The following HSPG2 variants were observed in gnomAD, a reference collection of about 807,000 sequenced individuals.
The protein encoded by HSPG2 is heparan sulfate proteoglycan 2.
In HSPG2, 278 loss-of-function variants were observed where a neutral mutation model predicts 526.6. The observed-to-expected ratio is 0.53, with a 90% CI of 0.48 to 0.58. HSPG2 has a LOEUF of 0.58. Among genes scored for constraint, HSPG2 ranks in the 20% least tolerant of loss-of-function variants. HSPG2 has a pLI of 0.00. For synonymous variants in HSPG2, 2,465 were observed against 2,555.4 expected, an observed-to-expected ratio of 0.96 and a Z score of 1.07; for missense variants, 5,354 against 6,099.5, an observed-to-expected ratio of 0.88 and a Z score of 4.07.
rs1258928129 is a variant in HSPG2, at chr1:21,859,370, G to A, written c.5293+196C>T. ...CCCACCCTTTTCTTTTGCCCTCACC[G>A]ACCAGTCAAGTCCTGCTGATCCTAC... On this transcript the variant is annotated intron_variant, in intron 42 of 96. Coordinates refer to ENST00000374695, the MANE Select transcript of HSPG2 (RefSeq NM_005529.7). The surrounding 1 kb of genome is among the most constrained non-coding windows in gnomAD (Gnocchi z 5.3). Among the ~76,000 whole-genome samples, 3 of 152,106 alleles carry A rather than the reference G, an allele frequency of 2.0e-5. No individual in the cohort carries two copies. The highest frequency in any genetic ancestry group is 4.4e-5 in the Non-Finnish European group (3 of 67,980).
chr1:21,849,508 T>A (rs889836408), intron 57 of HSPG2, among the ~76,000 whole-genome samples: 9 of 152,102 alleles, frequency 5.9e-5, no homozygotes, highest in Non-Finnish European at 1.0e-4. Context: ...GTCTCCAAAA[T>A]CAAGATGCAT....
At position 21,856,038 on chromosome 1, in the gene HSPG2, C is replaced by A. The variant is rs1639316317; in HGVS notation, c.5576-126G>T. 6.9e-6 allele frequency: 9 copies of A among 1,305,902 alleles called. No homozygotes were observed. In the South Asian group the frequency reaches 1.2e-4, roughly 18 times the overall value. The allele number at this position is 1,305,902 out of a possible 1,614,324, so 80.9% of individuals were successfully genotyped here. A position where few individuals can be genotyped will look rare whatever the true frequency, so the allele number is the denominator to read the frequency against. On this transcript the variant is annotated intron_variant, in intron 44 of 96. Coordinates refer to ENST00000374695, the MANE Select transcript of HSPG2 (RefSeq NM_005529.7). ...CCACGGCCATCTGTGCACACAGGAG[C>A]CAGAGGGAGCTTGGGAAATGTCAAC...
At chr1:21,878,767 G>C in intron 18 of HSPG2, 104 bp from the exon 19 acceptor site, 1 of 1,265,002 alleles carries the variant, frequency 7.9e-7, no homozygotes, top group Non-Finnish European at 1.1e-6. Context: ...TGTGCCACGA[G>C]GCATGACGCC....
At chr1:21,869,238 C>A (rs908972278) in intron 33 of HSPG2, among the ~76,000 whole-genome samples, 2 of 152,200 alleles carry the variant, frequency 1.3e-5, no homozygotes, top group African/African-American at 4.8e-5. Context: ...CTTTTGTGGA[C>A]CAACGTTTAC....
At chr1:21,931,312 C>T (rs1031133438) in intron 1 of HSPG2, among the ~76,000 whole-genome samples, 1 of 152,254 alleles carries the variant, frequency 6.6e-6, no homozygotes, top group African/African-American at 2.4e-5. Flanking sequence ...ACACATACTT[C>T]TGGGTTTCAG....
At position 21,826,622 on chromosome 1, in the gene HSPG2, G is replaced by A. The variant is rs186858868; in HGVS notation, c.12589+1241C>T. On this transcript the variant is annotated intron_variant, in intron 91 of 96. Transcript: ENST00000374695. Reference sequence around the variant, plus strand: ...CCTCCCAGGTTCAAGCGATTCTCCTGCCTCAGCCTCCGGAGTAGCTGGGAT... The same window carrying A: ...CCTCCCAGGTTCAAGCGATTCTCCTACCTCAGCCTCCGGAGTAGCTGGGAT... Among the ~76,000 whole-genome samples the A allele has an allele frequency of 3.8e-4, 58 of 152,006 alleles. 1 individual carries two copies. The highest frequency in any genetic ancestry group is 3.7e-3 in the Admixed American group (56 of 15,274).
chr1:21,844,030 C>T, intron 65 of HSPG2, 118 bp downstream of exon 65: 1 of 1,373,746 alleles, frequency 7.3e-7, no homozygotes, highest in South Asian at 1.2e-5. Flanking sequence ...TTCCATTGAC[C>T]TCCTGCTGCC....
rs541881507 is a variant in HSPG2 at position 21,871,265 on chromosome 1, T to G, written c.4221+921A>C. ...CTGACTGGCAGAGTATTTGTTTTTT[T>G]TTTTTTTTTTTTGAGACAGGGTCTT... On this transcript the variant is annotated intron_variant, in intron 33 of 96. Transcript: ENST00000374695. Among the ~76,000 whole-genome samples, 10 of 147,620 alleles carry G rather than the reference T, an allele frequency of 6.8e-5. No homozygotes were observed. In the South Asian group the frequency reaches 2.2e-3, roughly 32 times the overall value.
intron 1 of HSPG2, among the ~76,000 whole-genome samples, chr1:21,919,672 T>G (rs1459113633): frequency 6.8e-6 from 1 of 148,108 alleles, no homozygotes; most frequent in Admixed American, 6.6e-5. Flanking sequence ...AACGAGCACA[T>G]GAGTCACTTG....
intron 18 of HSPG2, 87 bp from the exon 19 acceptor site, chr1:21,878,750 G>T: frequency 1.5e-6 from 2 of 1,335,180 alleles, no homozygotes; most frequent in Non-Finnish European, 2.1e-6. Context: ...TGTCTACACA[G>T]ACACAGTGTG....
chr1:21,828,440 G>A lies in HSPG2; in HGVS notation c.12238-14C>T, dbSNP rs2152688973. 1.2e-6 allele frequency: 2 copies of A among 1,612,182 alleles called. No individual in the cohort carries two copies. Among genetic ancestry groups the A allele is most frequent in the East Asian group, 2.2e-5 (1 of 44,872 alleles). On this transcript the variant is annotated splice_polypyrimidine_tract_variant and intron_variant, in intron 88 of 96. Transcript: ENST00000374695. The surrounding 1 kb of genome is among the most constrained non-coding windows in gnomAD (Gnocchi z 6.0). ...ATTCACTGACACCTGTGGGGACAGG[G>A]ACACCGAGGGACTAAAGGGGCCTGG...
In HSPG2 at chr1:21,865,318, A is replaced by C; in HGVS notation, c.4362T>G (p.Pro1454=). Residue 1454 remains proline, a synonymous_variant, in exon 35 of 97, where the codon CCT becomes CCG. Transcript: ENST00000374695. The surrounding 1 kb of genome is among the most constrained non-coding windows in gnomAD (Gnocchi z 5.4). ...LVASQPALQG[P]ERRSYEIMFR... ...ACATGATCTCGTAGCTCCTCCTCTCAGGGCCCTGCAGCGCTGGCTGGGAGG... is the reference window on the plus strand; with the variant it reads ...ACATGATCTCGTAGCTCCTCCTCTCCGGGCCCTGCAGCGCTGGCTGGGAGG... The C allele has an allele frequency of 6.2e-7, 1 of 1,613,954 alleles. No homozygotes were observed. Among genetic ancestry groups the C allele is most frequent in the Non-Finnish European group, 8.5e-7 (1 of 1,179,952 alleles).
chr1:21,856,799 T>C (rs1316358156), intron 44 of HSPG2, among the ~76,000 whole-genome samples: 2 of 152,224 alleles, frequency 1.3e-5, no homozygotes, highest in Non-Finnish European at 2.9e-5. Context: ...TGTTCATTTA[T>C]TCCCATGCTT....
At chr1:21,926,045 C>T (rs1401424995) in intron 1 of HSPG2, among the ~76,000 whole-genome samples, 2 of 151,946 alleles carry the variant, frequency 1.3e-5, no homozygotes, top group African/African-American at 4.8e-5. Context: ...GGCCAGGCTG[C>T]TCTCGAACTC....
rs1641051709 is a variant in HSPG2 at position 21,876,226 on chromosome 1, C to T, written c.3003+3G>A. 4 of 1,603,208 alleles carry T rather than the reference C, an allele frequency of 2.5e-6. No individual in the cohort carries two copies. The highest frequency in any genetic ancestry group is 3.4e-6 in the Non-Finnish European group (4 of 1,174,722). Reference sequence around the variant, plus strand: ...TTCCTTTGCCTTTCCACCCACTACCCACCTTGTCCCCCAGGAAGCGTGAAG... The same window carrying T: ...TTCCTTTGCCTTTCCACCCACTACCTACCTTGTCCCCCAGGAAGCGTGAAG... On this transcript the variant is annotated splice_donor_region_variant and intron_variant, in intron 23 of 96. Transcript: ENST00000374695.
chr1:21,831,770 G>GAAA lies in HSPG2; in HGVS notation c.11233_11234insTTT (p.Thr3745delinsIleSer). 2 of 1,603,284 alleles carry GAAA rather than the reference G, an allele frequency of 1.2e-6. No homozygotes were observed. Among genetic ancestry groups the GAAA allele is most frequent in the Non-Finnish European group, 1.7e-6 (2 of 1,172,512 alleles). On this transcript the variant is annotated protein_altering_variant, in exon 82 of 97. Transcript: ENST00000374695. ...GGCCAGTGGTGTGGGATGGCGGATG[G>GAAA]TGGCCATGCCTGAGCCTGCATCGAA...
chr1:21,899,924 C>T (rs931316909), intron 1 of HSPG2, among the ~76,000 whole-genome samples: 1 of 152,206 alleles, frequency 6.6e-6, no homozygotes, highest in Non-Finnish European at 1.5e-5. Flanking sequence ...CCAGGGTTGG[C>T]CAGTCCCTGT....
At chr1:21,844,500 G>T (rs1228718164) in intron 64 of HSPG2, among the ~76,000 whole-genome samples, 4 of 152,226 alleles carry the variant, frequency 2.6e-5, no homozygotes, top group African/African-American at 9.6e-5. Flanking sequence ...CCAGGCAATG[G>T]CCCCACCATC....
At chr1:21,837,838 A>T (rs1443308697) in intron 74 of HSPG2, among the ~76,000 whole-genome samples, 1 of 152,104 alleles carries the variant, frequency 6.6e-6, no homozygotes, top group Non-Finnish European at 1.5e-5. Context: ...TTTACAGATA[A>T]AGAAACTGAG....
Sources: allele counts gnomAD v4.1 joint callset (sites outside exome capture counted in the v4.1 genomes callset), GRCh38; gene constraint gnomAD v4.1.1; non-coding constraint Gnocchi (gnomAD v3.1); transcripts MANE v1.5; gene names NCBI Gene and HGNC (gene_info 2026-07-23, HGNC 2026-07-21).